Variants in RPS6KA2 observed in about 807,000 individuals in gnomAD.
RPS6KA2 encodes ribosomal protein S6 kinase A2.
A neutral mutation model predicts 91.8 loss-of-function variants in RPS6KA2; 42 were observed. That is an observed-to-expected ratio of 0.46 (90% CI 0.36 to 0.59). RPS6KA2 has a LOEUF of 0.59. RPS6KA2 is among the 20% of genes least tolerant of loss of function. The pLI is 0.00. For missense variants in RPS6KA2, 798 were observed against 978.5 expected, an observed-to-expected ratio of 0.82 and a Z score of 2.46; for synonymous variants, 414 against 393.6, an observed-to-expected ratio of 1.05 and a Z score of -0.61.
chr6:166,703,396 CAATTA>C (rs1208523103), intron 2 of RPS6KA2, among the ~76,000 whole-genome samples: 1 of 152,210 alleles, frequency 6.6e-6, no homozygotes, highest in Non-Finnish European at 1.5e-5. Flanking sequence ...ACACGGGGTT[CAATTA>C]ACATTAGCTG....
intron 5 of RPS6KA2, among the ~76,000 whole-genome samples, chr6:166,507,390 C>CA (rs563166079): frequency 0.15 from 22,397 of 146,366 alleles, 2,840 homozygotes; most frequent in African/African-American, 0.35. Flanking sequence ...ACACACACAC[C>CA]CACCCCACAT....
chr6:166,530,770 G>C (rs59199367), intron 3 of RPS6KA2, among the ~76,000 whole-genome samples: 4,095 of 152,346 alleles, frequency 0.027, 177 homozygotes, highest in African/African-American at 0.091. Flanking sequence ...TGCAGGATGG[G>C]CGTGCAGAGG....
At position 166,412,674 on chromosome 6, in the gene RPS6KA2, C is replaced by T; in HGVS notation, c.*88G>A. On this transcript the variant is annotated 3_prime_UTR_variant, in exon 21 of 21. Coordinates refer to ENST00000265678, the MANE Select transcript of RPS6KA2 (RefSeq NM_021135.6). The surrounding 1 kb of genome is among the most constrained non-coding windows in gnomAD (Gnocchi z 4.3). ...GCCGCCTCCCTGCTGGACTTGTGGTCACTCTGGGTGCCAGACGGGCTCCGA... is the reference window on the plus strand; with the variant it reads ...GCCGCCTCCCTGCTGGACTTGTGGTTACTCTGGGTGCCAGACGGGCTCCGA... 1.5e-6 allele frequency: 2 copies of T among 1,334,882 alleles called. No individual in the cohort carries two copies. The highest frequency in any genetic ancestry group is 2.0e-6 in the Non-Finnish European group (2 of 994,908). The allele number at this position is 1,334,882 out of a possible 1,614,324, so 82.7% of individuals were successfully genotyped here.
At chr6:166,591,892 T>C (rs9356491) in intron 1 of RPS6KA2, among the ~76,000 whole-genome samples, 12,975 of 152,228 alleles carry the variant, frequency 0.085, 671 homozygotes, top group East Asian at 0.26. Flanking sequence ...CAGAAGGCTG[T>C]GGACAACAGC....
intron 2 of RPS6KA2, among the ~76,000 whole-genome samples, chr6:166,537,747 A>G (rs551381348): frequency 1.5e-4 from 23 of 152,242 alleles, no homozygotes; most frequent in Non-Finnish European, 3.4e-4. Flanking sequence ...ATACCACACA[A>G]AAATAGTTAC....
intron 2 of RPS6KA2, among the ~76,000 whole-genome samples, chr6:166,826,202 T>TTTTCTTTGTCCTCCCATTAAACTC (rs1780044373): frequency 6.6e-6 from 1 of 152,268 alleles, no homozygotes; most frequent in Non-Finnish European, 1.5e-5. Flanking sequence ...CATTAAACTC[T>TTTTCTTTGTCCTCCCATTAAACTC]ATGTTCATAT....
chr6:166,750,508 G>A (rs1470744440), intron 2 of RPS6KA2, among the ~76,000 whole-genome samples: 1 of 152,156 alleles, frequency 6.6e-6, no homozygotes, highest in Non-Finnish European at 1.5e-5. Context: ...CTTCCTACAT[G>A]CCCAGGCTCT....
chr6:166,688,333 C>A (rs1316643528), intron 2 of RPS6KA2, among the ~76,000 whole-genome samples: 1 of 152,168 alleles, frequency 6.6e-6, no homozygotes, highest in Non-Finnish European at 1.5e-5. Flanking sequence ...GCACAGGGCC[C>A]CCGCCAGGGT....
At chr6:166,717,216 C>T (rs1360779667) in intron 2 of RPS6KA2, among the ~76,000 whole-genome samples, 1 of 152,212 alleles carries the variant, frequency 6.6e-6, no homozygotes, top group Admixed American at 6.5e-5. Flanking sequence ...GGGGTGGAGG[C>T]ATCGCCATTG....
chr6:166,647,805 CAT>C (rs1787665518), intron 2 of RPS6KA2, among the ~76,000 whole-genome samples: 2 of 134,092 alleles, frequency 1.5e-5, no homozygotes, highest in South Asian at 4.7e-4. Flanking sequence ...TACACACATA[CAT>C]ACACACATGC....
intron 2 of RPS6KA2, among the ~76,000 whole-genome samples, chr6:166,777,294 G>A (rs1778648273): frequency 6.6e-6 from 1 of 152,166 alleles, no homozygotes; most frequent in Non-Finnish European, 1.5e-5. Flanking sequence ...CATGAGTTTG[G>A]GTGTGAATTC....
chr6:166,550,024 A>C (rs188300503), intron 1 of RPS6KA2, among the ~76,000 whole-genome samples: 10 of 152,352 alleles, frequency 6.6e-5, no homozygotes, highest in Admixed American at 5.2e-4. Flanking sequence ...CTTTGTTATA[A>C]GATTTAAAGA....
chr6:166,416,663 T>C (rs1778539239), intron 19 of RPS6KA2, among the ~76,000 whole-genome samples: 2 of 116,544 alleles, frequency 1.7e-5, no homozygotes, highest in Admixed American at 1.9e-4. Context: ...ACCTCCACCA[T>C]CAGCTCCATC....
Position 166,662,273 on chromosome 6 carries a change from T to A in RPS6KA2, c.124-123489A>T, listed in dbSNP as rs1582997160. On this transcript the variant is annotated intron_variant, in intron 2 of 21. Coordinates refer to the RPS6KA2 transcript ENST00000503859. The surrounding 1 kb of genome is among the most constrained non-coding windows in gnomAD (Gnocchi z 4.3). ...TCTTTTTTCTGGGATATTGCCATTG[T>A]AAGATTTGGCTGCTATTACGGGGTG... Among the ~76,000 whole-genome samples, 1 of 152,336 alleles carries A rather than the reference T, an allele frequency of 6.6e-6. No homozygotes were observed. Among genetic ancestry groups the A allele is most frequent in the South Asian group, 2.1e-4 (1 of 4,830 alleles).
In RPS6KA2 at chr6:166,652,942, G is replaced by T. The variant is rs997116897; in HGVS notation, c.124-114158C>A. 3.3e-5 allele frequency among the ~76,000 whole-genome samples: 5 copies of T among 152,292 alleles called. No individual in the cohort carries two copies. The East Asian group carries it at 5.8e-4, about 18-fold the overall frequency. ...TGGCTGGGCTGTCTTCATCATGCTG[G>T]GCCCAGCAGCAGGCTATTTGCCAGG... On this transcript the variant is annotated intron_variant, in intron 2 of 21. Transcript: ENST00000503859.
At chr6:166,579,133 G>A (rs1484155755) in intron 1 of RPS6KA2, among the ~76,000 whole-genome samples, 1 of 152,208 alleles carries the variant, frequency 6.6e-6, no homozygotes, top group African/African-American at 2.4e-5. Flanking sequence ...CCGCCTGGCC[G>A]TATCTGCCAA....
chr6:166,441,667 C>A (rs996890270), intron 14 of RPS6KA2, among the ~76,000 whole-genome samples: 2 of 152,248 alleles, frequency 1.3e-5, no homozygotes, highest in Non-Finnish European at 2.9e-5. Context: ...CGGCTCACTG[C>A]AGCGCCCAGC....
At position 166,437,906 on chromosome 6, in the gene RPS6KA2, T is replaced by G. The variant is rs1258318134; in HGVS notation, c.1333-5416A>C. The stretch of plus-strand genomic sequence containing the variant: ...TTGCGTTTCTCTACCTTCCCTGTCT[T>G]TCTTGTCTCTCTCCATCAGTGGAGA... On this transcript the variant is annotated intron_variant, in intron 14 of 20. Transcript: ENST00000265678. The surrounding 1 kb of genome is among the most constrained non-coding windows in gnomAD (Gnocchi z 4.3). Among the ~76,000 whole-genome samples, 1 of 152,184 alleles carries G rather than the reference T, an allele frequency of 6.6e-6. No homozygotes were observed. Among genetic ancestry groups the G allele is most frequent in the African/African-American group, 2.4e-5 (1 of 41,424 alleles).
chr6:166,769,352 CTT>C (rs1562428740), intron 2 of RPS6KA2, among the ~76,000 whole-genome samples: 1 of 152,134 alleles, frequency 6.6e-6, no homozygotes, highest in Non-Finnish European at 1.5e-5. Context: ...CAGCTTGACT[CTT>C]TTTTTCTTGG....
Sources: allele counts gnomAD v4.1 joint callset (sites outside exome capture counted in the v4.1 genomes callset), GRCh38; gene constraint gnomAD v4.1.1; non-coding constraint Gnocchi (gnomAD v3.1); transcripts MANE v1.5; gene names NCBI Gene and HGNC (gene_info 2026-07-23, HGNC 2026-07-21).